Variants in RFTN2 observed in about 807,000 individuals in gnomAD.
RFTN2 encodes raftlin-2.
A neutral mutation model predicts 52.7 loss-of-function variants in RFTN2; 34 were observed. That is an observed-to-expected ratio of 0.64 (90% CI 0.49 to 0.86). The LOEUF (loss-of-function observed/expected upper bound fraction) is 0.86. Among genes scored for constraint, RFTN2 ranks in the 40% least tolerant of loss-of-function variants. RFTN2 has a pLI of 0.00. For missense variants in RFTN2, 536 were observed against 600.1 expected (o/e 0.89, Z 1.12); for synonymous variants, 203 against 217.7 (o/e 0.93, Z 0.59).
chr2:197,646,646 T>G lies in RFTN2; in HGVS notation c.160A>C (p.Ile54Leu). 6.2e-7 allele frequency: 1 copy of G among 1,612,976 alleles called. No individual in the cohort carries two copies. The highest frequency in any genetic ancestry group is 8.5e-7 in the Non-Finnish European group (1 of 1,179,020). The change falls in exon 2 of 9, where the codon ATC (isoleucine) becomes CTC (leucine). Residue 54 changes from isoleucine (I) to leucine (L), a missense_variant. By Grantham distance (5) the Ile-to-Leu change is conservative. Coordinates refer to ENST00000295049, the MANE Select transcript of RFTN2 (RefSeq NM_144629.3). ...ATATCCAGAATTGAATTTATCTTGATGACTTCTGGGTTTGATGAAGCTGAA... is the reference window on the plus strand; with the variant it reads ...ATATCCAGAATTGAATTTATCTTGAGGACTTCTGGGTTTGATGAAGCTGAA... Reference protein sequence around the residue: ...TLQASSNPEVIKINSILDIVT... With the variant: ...TLQASSNPEVLKINSILDIVT...
intron 5 of RFTN2, among the ~76,000 whole-genome samples, chr2:197,621,857 C>T (rs1282068998): frequency 6.6e-6 from 1 of 152,170 alleles, no homozygotes; most frequent in African/African-American, 2.4e-5. Context: ...GTGAGGAAGA[C>T]ATGTCAAAGC....
At chr2:197,583,287 G>A (rs946850032) in intron 8 of RFTN2, among the ~76,000 whole-genome samples, 27 of 152,140 alleles carry the variant, frequency 1.8e-4, no homozygotes, top group African/African-American at 6.0e-4. Context: ...CACATACCCC[G>A]AGTCAGGAAA....
intron 5 of RFTN2, among the ~76,000 whole-genome samples, chr2:197,628,562 C>T (rs2088407323): frequency 6.6e-6 from 1 of 152,134 alleles, no homozygotes; most frequent in Non-Finnish European, 1.5e-5. Flanking sequence ...GTTAGTCACA[C>T]ACCAAAATTT....
chr2:197,582,201 G>T (rs1473188858), intron 8 of RFTN2, among the ~76,000 whole-genome samples: 1 of 152,180 alleles, frequency 6.6e-6, no homozygotes, highest in Non-Finnish European at 1.5e-5. Flanking sequence ...ACTCTCTACA[G>T]TTCTCATAAC....
chr2:197,617,970 T>C, intron 5 of RFTN2, 49 bp from the exon 6 acceptor site: 2 of 1,420,688 alleles, frequency 1.4e-6, no homozygotes, highest in Non-Finnish European at 1.9e-6. Flanking sequence ...ACTAAGTGGC[T>C]CATAAAACCA....
intron 1 of RFTN2, among the ~76,000 whole-genome samples, chr2:197,674,247 G>A (rs2089184123): frequency 6.7e-6 from 1 of 150,292 alleles, no homozygotes; most frequent in Non-Finnish European, 1.5e-5. Context: ...GTCCCTGGAA[G>A]GGAGTTTGTT....
At chr2:197,589,174 A>G (rs897056309) in intron 8 of RFTN2, among the ~76,000 whole-genome samples, 1 of 133,800 alleles carries the variant, frequency 7.5e-6, no homozygotes, top group African/African-American at 2.7e-5. Flanking sequence ...GTGAGCTGAG[A>G]CCATGCCATT....
intron 7 of RFTN2, 46 bp downstream of exon 7, chr2:197,615,830 A>C: frequency 1.1e-6 from 1 of 946,458 alleles, no homozygotes; most frequent in Admixed American, 2.2e-5. Context: ...AGATGAAGTT[A>C]TATATTAGAA....
intron 1 of RFTN2, among the ~76,000 whole-genome samples, chr2:197,673,139 C>T (rs2089169328): frequency 6.6e-6 from 1 of 152,158 alleles, no homozygotes; most frequent in Non-Finnish European, 1.5e-5. Flanking sequence ...GCACACACAG[C>T]TGTCACCAGG....
chr2:197,627,344 A>G (rs1559354992), intron 5 of RFTN2, among the ~76,000 whole-genome samples: 1 of 152,306 alleles, frequency 6.6e-6, no homozygotes, highest in South Asian at 2.1e-4. Flanking sequence ...CTCTATGGTC[A>G]TGTTACACAA....
chr2:197,601,469 T>C (rs1193378310), intron 7 of RFTN2, among the ~76,000 whole-genome samples: 5 of 152,168 alleles, frequency 3.3e-5, no homozygotes. Flanking sequence ...ACATTTTCTC[T>C]ATTTTATGGA....
intron 6 of RFTN2, among the ~76,000 whole-genome samples, chr2:197,616,300 T>TTTTA (rs2088143467): frequency 1.3e-5 from 1 of 76,528 alleles, no homozygotes; most frequent in Non-Finnish European, 2.8e-5. Flanking sequence ...TTTTATTTTA[T>TTTTA]TTTATTTTAA....
chr2:197,592,494 T>A (rs973419411), intron 8 of RFTN2, among the ~76,000 whole-genome samples: 2 of 152,210 alleles, frequency 1.3e-5, no homozygotes, highest in Admixed American at 1.3e-4. Flanking sequence ...TGTGCCTGGC[T>A]GAAGAAATTT....
At chr2:197,580,169 T>C (rs929182875) in intron 8 of RFTN2, among the ~76,000 whole-genome samples, 1 of 151,518 alleles carries the variant, frequency 6.6e-6, no homozygotes, top group African/African-American at 2.4e-5. Context: ...CTCCCGACAT[T>C]AAAAAAAAGC....
At chr2:197,667,403 G>A (rs1258574120) in intron 1 of RFTN2, among the ~76,000 whole-genome samples, 1 of 152,150 alleles carries the variant, frequency 6.6e-6, no homozygotes, top group Admixed American at 6.5e-5. Context: ...CTTCCTTAGA[G>A]TTAATAATTT....
At chr2:197,608,623 CTT>C (rs57681105) in intron 7 of RFTN2, among the ~76,000 whole-genome samples, 54,442 of 98,876 alleles carry the variant, frequency 0.55, 14,406 homozygotes, top group Middle Eastern at 0.76. Flanking sequence ...TGGGACCAGA[CTT>C]TTTTTTTTTT....
chr2:197,595,318 A>T (rs2087778329), intron 8 of RFTN2, among the ~76,000 whole-genome samples: 1 of 152,276 alleles, frequency 6.6e-6, no homozygotes. Flanking sequence ...TCTTAGGTTC[A>T]GTAGCTGAGA....
In RFTN2 at chr2:197,570,441, T is replaced by C. The variant is rs1196264961; in HGVS notation, c.*1567A>G. 6.6e-6 allele frequency: 1 copy of C among 152,174 alleles called. No individual in the cohort carries two copies. The highest frequency in any genetic ancestry group is 6.6e-5 in the Admixed American group (1 of 15,266). The allele number at this position is 152,174 out of a possible 1,614,324, so 9.4% of individuals were successfully genotyped here. The stretch of plus-strand genomic sequence containing the variant: ...TCTGTTATATGTATAAAACATATTA[T>C]ATGAAGGCCAGGCATGGTGGCTCAC... On this transcript the variant is annotated 3_prime_UTR_variant, in exon 9 of 9. Coordinates refer to ENST00000295049, the MANE Select transcript of RFTN2 (RefSeq NM_144629.3).
At chr2:197,646,454 C>A in intron 2 of RFTN2, 29 bp downstream of exon 2, 1 of 1,577,254 alleles carries the variant, frequency 6.3e-7, no homozygotes, top group Non-Finnish European at 8.6e-7. Flanking sequence ...GTCACCCTCA[C>A]CTGCCTCTTT....
Sources: allele counts gnomAD v4.1 joint callset (sites outside exome capture counted in the v4.1 genomes callset), GRCh38; gene constraint gnomAD v4.1.1; transcripts MANE v1.5; gene names NCBI Gene and HGNC (gene_info 2026-07-23, HGNC 2026-07-21).